Variants in GABRA5 observed in about 807,000 individuals in gnomAD.
GABRA5 encodes the protein gamma-aminobutyric acid type A receptor subunit alpha5, also known as gamma-aminobutyric acid receptor subunit alpha-5.
Under a neutral mutation model 47.3 loss-of-function variants are expected in GABRA5, and 18 were observed. The observed-to-expected ratio is 0.38, with a 90% CI of 0.26 to 0.56. The LOEUF (loss-of-function observed/expected upper bound fraction) is 0.56. Ranked by LOEUF, GABRA5 falls within the 20% of genes least tolerant of loss-of-function variation. GABRA5 has a pLI of 0.71. For synonymous variants in GABRA5, 237 were observed against 229.3 expected, an observed-to-expected ratio of 1.03 and a Z score of -0.30; for missense variants, 365 against 599.3, an observed-to-expected ratio of 0.61 and a Z score of 4.08.
intron 6 of GABRA5, among the ~76,000 whole-genome samples, chr15:26,891,462 A>C (rs1893003744): frequency 1.3e-5 from 2 of 152,186 alleles, no homozygotes; most frequent in Non-Finnish European, 2.9e-5. Context: ...CATAGATAGA[A>C]TATATAGCAA....
chr15:26,898,566 G>A (rs1358104642), intron 6 of GABRA5, among the ~76,000 whole-genome samples: 1 of 152,212 alleles, frequency 6.6e-6, no homozygotes, highest in African/African-American at 2.4e-5. Flanking sequence ...TCTGTAGGAT[G>A]GAAGACTGGC....
At chr15:26,917,199 T>G (rs1893736821) in intron 7 of GABRA5, among the ~76,000 whole-genome samples, 1 of 152,132 alleles carries the variant, frequency 6.6e-6, no homozygotes, top group Admixed American at 6.5e-5. Context: ...ACTATGCAAT[T>G]CACTGTGGGA....
intron 7 of GABRA5, among the ~76,000 whole-genome samples, chr15:26,929,609 A>G (rs1417403821): frequency 6.6e-6 from 1 of 152,308 alleles, no homozygotes; most frequent in East Asian, 1.9e-4. Context: ...TTTGAAATCT[A>G]GGTGGAGGCC....
Position 26,869,157 on chromosome 15 carries a change from G to A in GABRA5, c.-74-18G>A, listed in dbSNP as rs180853516. ...AGCATTGATGTTCACGTGCTTCCCC[G>A]CTTTGTGTGCTTTTCAGCTTCAAGA... On this transcript the variant is annotated intron_variant, in intron 2 of 10. Transcript: ENST00000335625. 5.3e-5 allele frequency: 43 copies of A among 806,024 alleles called. No individual in the cohort carries two copies. The highest frequency in any genetic ancestry group is 4.0e-4 in the Admixed American group (23 of 57,104). The allele number at this position is 806,024 out of a possible 1,614,324, so 49.9% of individuals were successfully genotyped here.
At position 26,943,415 on chromosome 15, in the gene GABRA5, G is replaced by T; in HGVS notation, c.1078G>T (p.Ala360Ser). Residue 360 changes from alanine to serine, a missense_variant, in exon 10 of 11, where the codon GCC (alanine) becomes TCC (serine). Physicochemically the swap from Ala to Ser is moderately conservative, Grantham distance 99 (BLOSUM62 1). This residue lies in a region of GABRA5 where 106 missense variants were observed against 130.3 expected (regional missense o/e 0.81). Transcript: ENST00000335625. ...GGATGGCAAAAAAGCCTTGGAAGCA[G>T]CCAAGATCAAGGTACTGACTATTTC... ...AWDGKKALEA[A>S]KIKKKREVIL... 6 of 1,588,780 alleles carry T rather than the reference G, an allele frequency of 3.8e-6. No individual in the cohort carries two copies. Among genetic ancestry groups the T allele is most frequent in the Non-Finnish European group, 5.1e-6 (6 of 1,167,392 alleles).
At chr15:26,936,476 T>A (rs1446910644) in intron 7 of GABRA5, among the ~76,000 whole-genome samples, 1 of 152,228 alleles carries the variant, frequency 6.6e-6, no homozygotes, top group Non-Finnish European at 1.5e-5. Flanking sequence ...AGGGAAGTTC[T>A]CTGTTTTTAA....
chr15:26,893,165 G>GCA (rs1266617945), intron 6 of GABRA5, among the ~76,000 whole-genome samples: 5 of 122,832 alleles, frequency 4.1e-5, no homozygotes, highest in Admixed American at 8.3e-5. Context: ...CGTGTGTGGG[G>GCA]TGTGTATGTG....
chr15:26,876,381 G>A lies in GABRA5; in HGVS notation c.87-4465G>A, dbSNP rs140263215. Among the ~76,000 whole-genome samples, 90 of 152,288 alleles carry A rather than the reference G, an allele frequency of 5.9e-4. No individual in the cohort carries two copies. In the East Asian group the frequency reaches 0.012, roughly 21 times the overall value. ...ACAAAAAGGAAAGGGTGTCTGGATC[G>A]TGCCCTGGGGCATGCTTGTGTTCTG... is the stretch of plus-strand genomic sequence containing the variant. On this transcript the variant is annotated intron_variant, in intron 3 of 10. Transcript: ENST00000335625.
Position 26,869,344 on chromosome 15 carries a change from C to T in GABRA5, c.86+10C>T. The T allele has an allele frequency of 6.5e-7, 1 of 1,527,674 alleles. No homozygotes were observed. The highest frequency in any genetic ancestry group is 9.1e-7 in the Non-Finnish European group (1 of 1,101,526). The allele number at this position is 1,527,674 out of a possible 1,614,324, so 94.6% of individuals were successfully genotyped here. On this transcript the variant is annotated intron_variant, in intron 3 of 10. Transcript: ENST00000335625. ...TATCCAGTCACTTTGGGTAAGTTAC[C>T]ATCTGTGCTTTTATTTTATGATGTT...
chr15:26,939,801 G>A (rs1239336326), intron 8 of GABRA5, 124 bp from the exon 9 acceptor site: 3 of 914,140 alleles, frequency 3.3e-6, no homozygotes, highest in Admixed American at 4.0e-5. Flanking sequence ...CCTTAACCCA[G>A]ATCATACAAA....
At chr15:26,882,938 G>A (rs1342089503) in intron 4 of GABRA5, among the ~76,000 whole-genome samples, 2 of 152,198 alleles carry the variant, frequency 1.3e-5, no homozygotes, top group Non-Finnish European at 2.9e-5. Context: ...GGAGCAGAAG[G>A]AGGAGGAGAG....
At chr15:26,930,008 T>TCTTC (rs1226351843) in intron 7 of GABRA5, among the ~76,000 whole-genome samples, 6 of 40,130 alleles carry the variant, frequency 1.5e-4, no homozygotes, top group African/African-American at 4.1e-4. Flanking sequence ...TTCTTCTTCT[T>TCTTC]TTTTTTTTTT....
rs141591579 is a variant in GABRA5, at chr15:26,907,792, A to G, written c.498-7011A>G. 2.6e-5 allele frequency among the ~76,000 whole-genome samples: 4 copies of G among 152,332 alleles called. No homozygotes were observed. The East Asian group carries it at 7.7e-4, about 29-fold the overall frequency. ...CATATAGTTGACTGAGCTTCAGAAT[A>G]CATTTTTCCTTGAAATATTATTGTA... On this transcript the variant is annotated intron_variant, in intron 6 of 10. Transcript: ENST00000335625.
At chr15:26,908,479 A>G (rs777887872) in intron 6 of GABRA5, among the ~76,000 whole-genome samples, 12 of 152,228 alleles carry the variant, frequency 7.9e-5, no homozygotes, top group Non-Finnish European at 1.3e-4. Flanking sequence ...TGCCAGCTGC[A>G]GAATGCCAAA....
intron 3 of GABRA5, among the ~76,000 whole-genome samples, chr15:26,878,644 C>T (rs890655525): frequency 2.6e-5 from 4 of 152,124 alleles, no homozygotes; most frequent in Non-Finnish European, 5.9e-5. Flanking sequence ...CAGCCATGGC[C>T]CCATCGTACA....
chr15:26,920,517 T>C (rs766172763), intron 7 of GABRA5, among the ~76,000 whole-genome samples: 2 of 152,188 alleles, frequency 1.3e-5, no homozygotes, highest in Admixed American at 6.5e-5. Flanking sequence ...TTGTTTTCAG[T>C]AAGTATCTCT....
intron 6 of GABRA5, among the ~76,000 whole-genome samples, chr15:26,893,279 A>AG (rs1893066011): frequency 1.4e-5 from 2 of 141,898 alleles, no homozygotes; most frequent in Non-Finnish European, 3.0e-5. Context: ...GTGTGTGTGT[A>AG]TGGCATATGG....
intron 7 of GABRA5, among the ~76,000 whole-genome samples, chr15:26,918,632 G>A (rs556246580): frequency 4.6e-5 from 7 of 152,158 alleles, no homozygotes; most frequent in South Asian, 2.1e-4. Context: ...TTGTTCTTAC[G>A]TTGGGTGCAT....
rs769362593 is a variant in GABRA5, at chr15:26,883,242, C to T, written c.276+9C>T. The T allele has an allele frequency of 3.1e-6, 5 of 1,613,464 alleles. No individual in the cohort carries two copies. The highest frequency in any genetic ancestry group is 1.3e-5 in the African/African-American group (1 of 74,904). On this transcript the variant is annotated intron_variant, in intron 5 of 10. Coordinates refer to ENST00000335625, the MANE Select transcript of GABRA5 (RefSeq NM_000810.4). The surrounding 1 kb of genome is among the most constrained non-coding windows in gnomAD (Gnocchi z 4.8). The stretch of plus-strand genomic sequence containing the variant: ...TGTCCGACACGGAAATGGTAGGTCC[C>T]GGGGCATGGCTGGGCAGACAATTCT...
Sources: gnomAD v4.1 joint callset for allele counts (sites outside exome capture counted in the v4.1 genomes callset) on GRCh38, gnomAD v4.1.1 for gene constraint, gnomAD v4.1.1 regional missense constraint, Gnocchi (gnomAD v3.1) non-coding constraint, MANE v1.5 for transcripts, NCBI Gene and HGNC (gene_info 2026-07-23, HGNC 2026-07-21) for gene names.